Variants in SGCZ observed in about 807,000 individuals in gnomAD.
SGCZ encodes zeta-sarcoglycan.
A neutral mutation model predicts 41.3 loss-of-function variants in SGCZ; 40 were observed. The observed-to-expected ratio is 0.97, with a 90% CI of 0.75 to 1.26. SGCZ has a LOEUF of 1.26. Ranked by LOEUF, SGCZ falls within the 50% of genes most tolerant of loss-of-function variation. The pLI is 0.00. For missense variants in SGCZ, 552 were observed against 369.8 expected (o/e 1.49, Z -4.04); for synonymous variants, 206 against 137.5 (o/e 1.50, Z -3.49).
chr8:14,992,128 A>G (rs1261314430), intron 1 of SGCZ, among the ~76,000 whole-genome samples: 1 of 142,210 alleles, frequency 7.0e-6, no homozygotes, highest in Non-Finnish European at 1.5e-5. Context: ...CAAAGCTAGT[A>G]TTAATCTTGA....
chr8:14,773,709 A>G (rs1800315697), intron 1 of SGCZ, among the ~76,000 whole-genome samples: 2 of 152,188 alleles, frequency 1.3e-5, no homozygotes, highest in Non-Finnish European at 2.9e-5. Flanking sequence ...CATGCATCAT[A>G]CAGAGCTGTC....
chr8:14,786,159 G>A (rs1434517679), intron 1 of SGCZ, among the ~76,000 whole-genome samples: 1 of 151,614 alleles, frequency 6.6e-6, no homozygotes, highest in African/African-American at 2.4e-5. Flanking sequence ...TGTCACTACA[G>A]AAGAAAACAT....
intron 1 of SGCZ, among the ~76,000 whole-genome samples, chr8:14,640,141 G>T (rs188244506): frequency 2.6e-4 from 40 of 151,570 alleles, no homozygotes; most frequent in East Asian, 9.7e-4. Context: ...TAAATTTAAG[G>T]CAAGATATTA....
rs144175744 is a variant in SGCZ at position 14,926,944 on chromosome 8, T to C, written c.39+310641A>G. ...GTGAGTCACCACACCTGGCCGACAC[T>C]TTGATTTTAATGGAGAAATGACATC... On this transcript the variant is annotated intron_variant, in intron 1 of 7. Transcript: ENST00000382080. Among the ~76,000 whole-genome samples, 731 of 151,194 alleles carry C rather than the reference T, an allele frequency of 4.8e-3. 4 individuals carry two copies. Among genetic ancestry groups the C allele is most frequent in the Non-Finnish European group, 8.4e-3 (569 of 67,704 alleles).
At chr8:15,034,890 AT>A (rs1457029051) in intron 1 of SGCZ, among the ~76,000 whole-genome samples, 2 of 152,190 alleles carry the variant, frequency 1.3e-5, no homozygotes, top group East Asian at 3.9e-4. Context: ...ACAGATAAAT[AT>A]TTTTCCAGAT....
At chr8:14,349,003 T>C (rs1041415682) in intron 2 of SGCZ, among the ~76,000 whole-genome samples, 2 of 152,172 alleles carry the variant, frequency 1.3e-5, no homozygotes, top group African/African-American at 4.8e-5. Flanking sequence ...AGTAGAGTCA[T>C]GTTCCAAACT....
intron 1 of SGCZ, among the ~76,000 whole-genome samples, chr8:14,682,354 A>G (rs977052095): frequency 2.6e-5 from 4 of 152,218 alleles, no homozygotes; most frequent in South Asian, 2.1e-4. Flanking sequence ...GGAACAATAC[A>G]TATGTACAGA....
In SGCZ at chr8:14,629,640, A is replaced by G. The variant is rs116633418; in HGVS notation, c.40-74714T>C. Among the ~76,000 whole-genome samples the G allele has an allele frequency of 5.1e-3, 784 of 152,250 alleles. 7 individuals carry two copies. Among genetic ancestry groups the G allele is most frequent in the African/African-American group, 0.016 (658 of 41,560 alleles). On this transcript the variant is annotated intron_variant, in intron 1 of 7. Coordinates refer to ENST00000382080, the MANE Select transcript of SGCZ (RefSeq NM_139167.4). ...TGCATGCAAATGAAAGACCTCTGGC[A>G]AACACATCCATGGTATTTGTCCAAA...
chr8:14,482,003 C>G (rs1585573576), intron 2 of SGCZ, among the ~76,000 whole-genome samples: 2 of 152,248 alleles, frequency 1.3e-5, no homozygotes, highest in African/African-American at 4.8e-5. Flanking sequence ...AGAACCCAGA[C>G]AGAGCTTGGA....
intron 1 of SGCZ, among the ~76,000 whole-genome samples, chr8:14,874,940 A>G (rs1380205118): frequency 6.6e-6 from 1 of 152,178 alleles, no homozygotes; most frequent in Non-Finnish European, 1.5e-5. Flanking sequence ...AAAGAAGATA[A>G]TGCTGACTGA....
chr8:14,203,948 C>G (rs952979345), intron 4 of SGCZ, among the ~76,000 whole-genome samples: 4 of 150,822 alleles, frequency 2.7e-5, no homozygotes, highest in Admixed American at 6.6e-5. Flanking sequence ...GAGGGGAGAC[C>G]TGTAAGAATT....
chr8:14,869,423 T>C (rs1190354121), intron 1 of SGCZ, among the ~76,000 whole-genome samples: 1 of 152,136 alleles, frequency 6.6e-6, no homozygotes, highest in African/African-American at 2.4e-5. Context: ...AAACTAGGCA[T>C]TGATGGAACA....
chr8:14,589,345 C>CA (rs34816729), intron 1 of SGCZ, among the ~76,000 whole-genome samples: 319 of 122,476 alleles, frequency 2.6e-3, no homozygotes, highest in African/African-American at 6.3e-3. Context: ...GACTCCATCT[C>CA]AAAAAAAAAA....
At chr8:14,908,704 C>T (rs1047574386) in intron 1 of SGCZ, among the ~76,000 whole-genome samples, 2 of 128,942 alleles carry the variant, frequency 1.6e-5, no homozygotes, top group South Asian at 2.6e-4. Flanking sequence ...GAGCCGAGAT[C>T]GGGCCACTGT....
intron 1 of SGCZ, among the ~76,000 whole-genome samples, chr8:14,831,532 G>T (rs1306091906): frequency 1.3e-5 from 2 of 151,814 alleles, no homozygotes; most frequent in Non-Finnish European, 2.9e-5. Flanking sequence ...TATTCTACTA[G>T]ACACACAACT....
chr8:14,854,507 A>G (rs117948684), intron 1 of SGCZ, among the ~76,000 whole-genome samples: 5,233 of 152,242 alleles, frequency 0.034, 108 homozygotes, highest in Non-Finnish European at 0.055. Flanking sequence ...CACTTCTTAG[A>G]TTAATAAAAT....
chr8:14,328,596 T>G (rs548244935), intron 2 of SGCZ, among the ~76,000 whole-genome samples: 1 of 152,312 alleles, frequency 6.6e-6, no homozygotes, highest in East Asian at 1.9e-4. Flanking sequence ...TTACTTAAAT[T>G]TTTAGTTTTT....
At chr8:14,153,192 T>C (rs1242641325) in intron 5 of SGCZ, among the ~76,000 whole-genome samples, 1 of 152,216 alleles carries the variant, frequency 6.6e-6, no homozygotes, top group Non-Finnish European at 1.5e-5. Context: ...AGATTCTCTC[T>C]GTATTATTTG....
chr8:14,264,225 C>A (rs1024761792), intron 3 of SGCZ, among the ~76,000 whole-genome samples: 5 of 152,208 alleles, frequency 3.3e-5, no homozygotes, highest in Admixed American at 2.6e-4. Flanking sequence ...GCTACTTAAT[C>A]CATCCCTCAA....
Sources: gnomAD v4.1 joint callset for allele counts (sites outside exome capture counted in the v4.1 genomes callset) on GRCh38, gnomAD v4.1.1 for gene constraint, MANE v1.5 for transcripts, NCBI Gene and HGNC (gene_info 2026-07-23, HGNC 2026-07-21) for gene names.